Variants in LIMK2 observed in about 807,000 individuals in gnomAD.
LIMK2 encodes the protein LIM domain kinase 2.
A neutral mutation model predicts 75.7 loss-of-function variants in LIMK2; 35 were observed. That is an observed-to-expected ratio of 0.46 (90% CI 0.35 to 0.61). The LOEUF is 0.61. Ranked by LOEUF, LIMK2 falls within the 20% of genes least tolerant of loss-of-function variation. The pLI, the probability that LIMK2 is intolerant of heterozygous loss-of-function variation, is 0.00. For missense variants in LIMK2, 623 were observed against 831.0 expected, an observed-to-expected ratio of 0.75 and a Z score of 3.08; for synonymous variants, 301 against 319.2, an observed-to-expected ratio of 0.94 and a Z score of 0.61.
At chr22:31,257,001 G>A (rs2048789300) in intron 2 of LIMK2, among the ~76,000 whole-genome samples, 1 of 149,004 alleles carries the variant, frequency 6.7e-6, no homozygotes, top group African/African-American at 2.5e-5. Context: ...GAGAGGTGGA[G>A]CTTCATAGCC....
At chr22:31,218,845 CGTT>C (rs1261099469) in intron 1 of LIMK2, among the ~76,000 whole-genome samples, 7 of 152,144 alleles carry the variant, frequency 4.6e-5, no homozygotes, top group East Asian at 1.9e-4. Flanking sequence ...TCCTGGTTCT[CGTT>C]GTCTGGTGGA....
At chr22:31,219,805 C>G (rs1169543014) in intron 1 of LIMK2, among the ~76,000 whole-genome samples, 2 of 152,290 alleles carry the variant, frequency 1.3e-5, no homozygotes, top group South Asian at 2.1e-4. Context: ...ATCTCTTGAC[C>G]TCGTGATCCA....
intron 15 of LIMK2, chr22:31,277,605 T>C (rs2049044841): frequency 3.3e-6 from 3 of 917,596 alleles, no homozygotes; most frequent in Non-Finnish European, 3.9e-6. Flanking sequence ...ATTCTAAATA[T>C]CTTTAATTTA....
Position 31,261,223 on chromosome 22 carries a change from G to A in LIMK2, c.552-911G>A, listed in dbSNP as rs5749241. Among the ~76,000 whole-genome samples the A allele has an allele frequency of 0.035, 5,383 of 152,264 alleles. 484 individuals are homozygous for A. In the East Asian group the frequency reaches 0.37, roughly 11 times the overall value. ...CGCCTGTAATGCCAGCACTTTGGGA[G>A]GCCAAGGTGGGCAGATTGCTTGAGG... is the stretch of plus-strand genomic sequence containing the variant. On this transcript the variant is annotated intron_variant, in intron 5 of 15. Coordinates refer to ENST00000331728, the MANE Select transcript of LIMK2 (RefSeq NM_005569.4).
intron 1 of LIMK2, among the ~76,000 whole-genome samples, chr22:31,221,828 A>G (rs1293886668): frequency 6.6e-6 from 1 of 152,050 alleles, no homozygotes; most frequent in Non-Finnish European, 1.5e-5. Flanking sequence ...TTTGTGTTTA[A>G]TCTCTCTCTT....
chr22:31,213,258 C>T (rs918171045), intron 1 of LIMK2, among the ~76,000 whole-genome samples: 5 of 152,126 alleles, frequency 3.3e-5, no homozygotes, highest in African/African-American at 9.7e-5. Flanking sequence ...GTCACCTCCC[C>T]GCCACCTCAC....
chr22:31,261,363 C>T (rs1020036838), intron 5 of LIMK2, among the ~76,000 whole-genome samples: 3 of 152,054 alleles, frequency 2.0e-5, no homozygotes, highest in Non-Finnish European at 4.4e-5. Context: ...CTGGCTAACA[C>T]AATGAAACCC....
chr22:31,259,971 T>C lies in LIMK2; in HGVS notation c.445T>C (p.Ser149Pro). Residue 149 changes from serine to proline, a missense_variant, in exon 5 of 16, where the codon TCT becomes CCT. Physicochemically the swap from Ser to Pro is moderately conservative, Grantham distance 74. Around this residue, in one of 3 missense-constraint regions of LIMK2, gnomAD observed 514 missense variants for 661.3 expected, o/e 0.78. Coordinates refer to ENST00000331728, the MANE Select transcript of LIMK2 (RefSeq NM_005569.4). Reference protein sequence around the residue: ...TESVQEQLPYSVTLISMPATT... With the variant: ...TESVQEQLPYPVTLISMPATT... Reference sequence around the variant, plus strand: ...GTCTGTTCAGGAGCAGCTGCCCTACTCTGTCACGCTCATCTCCATGCCGGC... The same window carrying C: ...GTCTGTTCAGGAGCAGCTGCCCTACCCTGTCACGCTCATCTCCATGCCGGC... The C allele has an allele frequency of 6.2e-7, 1 of 1,611,752 alleles. No individual in the cohort carries two copies.
intron 1 of LIMK2, among the ~76,000 whole-genome samples, chr22:31,214,219 G>A (rs1280370200): frequency 1.3e-5 from 2 of 152,110 alleles, no homozygotes; most frequent in African/African-American, 4.8e-5. Flanking sequence ...ATAGTCTAGA[G>A]GCATAAAGCC....
intron 15 of LIMK2, chr22:31,277,102 C>G: frequency 6.2e-7 from 1 of 1,613,902 alleles, no homozygotes. Context: ...GGACAAGATC[C>G]GGGCCATGCA....
intron 2 of LIMK2, among the ~76,000 whole-genome samples, chr22:31,253,520 A>C (rs2048746232): frequency 6.6e-6 from 1 of 152,208 alleles, no homozygotes; most frequent in Non-Finnish European, 1.5e-5. Context: ...GCTAAAGGAG[A>C]AGCATCACGA....
At chr22:31,235,595 A>T (rs2048566780) in intron 2 of LIMK2, among the ~76,000 whole-genome samples, 1 of 152,178 alleles carries the variant, frequency 6.6e-6, no homozygotes. Flanking sequence ...CACCAAACTG[A>T]TTATGAATTG....
chr22:31,262,135 G>A lies in LIMK2; in HGVS notation c.553G>A (p.Val185Ile). 6.2e-7 allele frequency: 1 copy of A among 1,613,848 alleles called. No individual in the cohort carries two copies. Among genetic ancestry groups the A allele is most frequent in the Non-Finnish European group, 8.5e-7 (1 of 1,179,722 alleles). The change falls in exon 6 of 16, where the codon GTC becomes ATC. Residue 185 changes from valine (V) to isoleucine (I), a missense_variant and splice_region_variant. By Grantham distance (29) the Val-to-Ile change is conservative. Around this residue, in one of 3 missense-constraint regions of LIMK2, gnomAD observed 514 missense variants for 661.3 expected, o/e 0.78. Coordinates refer to ENST00000331728, the MANE Select transcript of LIMK2 (RefSeq NM_005569.4). This position sits in a 1 kb window ranked among gnomAD's most constrained non-coding sequence, Gnocchi z 5.0. ...TGCCTCAACTCTTGTCTGGCCCAGG[G>A]TCAACCGGATGCACATCAGTCCCAA... ...NYATTVQVKE[V>I]NRMHISPNNR...
Position 31,272,683 on chromosome 22 carries a change from A to T in LIMK2, c.1537A>T (p.Met513Leu). 6.2e-7 allele frequency: 1 copy of T among 1,610,534 alleles called. No individual in the cohort carries two copies. The highest frequency in any genetic ancestry group is 2.2e-5 in the East Asian group (1 of 44,812). The change falls in exon 13 of 16, where the codon ATG becomes TTG. Residue 513 changes from methionine to leucine, a missense_variant. Met to Leu is a conservative substitution (Grantham distance 15). Around this residue, in one of 3 missense-constraint regions of LIMK2, gnomAD observed 63 missense variants for 122.8 expected, o/e 0.51. Coordinates refer to ENST00000331728, the MANE Select transcript of LIMK2 (RefSeq NM_005569.4). Reference sequence around the variant, plus strand: ...CACGGTGGTGGGAAACCCCTACTGGATGGCCCCTGAGATGCTGAACGGTGA... The same window carrying T: ...CACGGTGGTGGGAAACCCCTACTGGTTGGCCCCTGAGATGCTGAACGGTGA... ...RYTVVGNPYW[M>L]APEMLNGKSY...
chr22:31,226,033 AG>A (rs2048474577), intron 2 of LIMK2, among the ~76,000 whole-genome samples: 1 of 152,106 alleles, frequency 6.6e-6, no homozygotes. Context: ...GGCCAGCTGG[AG>A]GCAGGGTGGG....
At chr22:31,269,313 A>T in intron 11 of LIMK2, among the ~76,000 whole-genome samples, 1 of 120,854 alleles carries the variant, frequency 8.3e-6, no homozygotes, top group Non-Finnish European at 1.6e-5. Flanking sequence ...TTTTTGGTAG[A>T]GACAGGTTCT....
chr22:31,265,880 C>T, intron 7 of LIMK2, 66 bp from the exon 8 acceptor site: 1 of 1,421,846 alleles, frequency 7.0e-7, no homozygotes, highest in Non-Finnish European at 9.8e-7. Flanking sequence ...AGTTTCCTCC[C>T]TCCAGGGTTT....
At position 31,278,452 on chromosome 22, in the gene LIMK2, G is replaced by A. The variant is rs780123719; in HGVS notation, c.*11G>A. 2.2e-5 allele frequency: 35 copies of A among 1,595,672 alleles called. No individual in the cohort carries two copies. Among genetic ancestry groups the A allele is most frequent in the Non-Finnish European group, 2.5e-5 (29 of 1,170,846 alleles). ...GACTCACCTCCCTAGCCCTGGCCCA[G>A]CCCCCTGCAGGGGGGTGTTCTACAG... On this transcript the variant is annotated 3_prime_UTR_variant, in exon 16 of 16. Transcript: ENST00000331728.
At chr22:31,271,350 C>A (rs2123860970) in intron 12 of LIMK2, 149 bp downstream of exon 12, 1 of 678,838 alleles carries the variant, frequency 1.5e-6, no homozygotes, top group East Asian at 2.7e-5. Context: ...TTCCAATGCC[C>A]TTCTCTGTCC....
Sources: gnomAD v4.1 joint callset for allele counts (sites outside exome capture counted in the v4.1 genomes callset) on GRCh38, gnomAD v4.1.1 for gene constraint, gnomAD v4.1.1 regional missense constraint, Gnocchi (gnomAD v3.1) non-coding constraint, MANE v1.5 for transcripts, NCBI Gene and HGNC (gene_info 2026-07-23, HGNC 2026-07-21) for gene names.